Variants in OGDH observed in about 807,000 individuals in gnomAD.
The protein encoded by OGDH is 2-oxoglutarate dehydrogenase complex component E1.
OGDH carries 38 observed loss-of-function variants against 116.6 expected under a neutral mutation model. That is an observed-to-expected ratio of 0.33 (90% confidence interval 0.25 to 0.43). OGDH has a LOEUF of 0.43. Among genes scored for constraint, OGDH ranks in the 20% least tolerant of loss-of-function variants. OGDH has a pLI of 1.00. For synonymous variants in OGDH, 488 were observed against 533.3 expected (o/e 0.92, Z 1.17); for missense variants, 825 against 1,357.2 (o/e 0.61, Z 6.16).
In OGDH at chr7:44,624,388, G is replaced by A. The variant is rs772930976; in HGVS notation, c.45G>A (p.Thr15=). The A allele has an allele frequency of 4.4e-6, 7 of 1,606,486 alleles. No homozygotes were observed. The highest frequency in any genetic ancestry group is 4.5e-5 in the East Asian group (2 of 44,652). The change falls in exon 2 of 23, where the codon ACG becomes ACA. Residue 15 remains threonine, a synonymous_variant. Coordinates refer to ENST00000222673, the MANE Select transcript of OGDH (RefSeq NM_002541.4). Reference sequence around the variant, plus strand: ...GTGCTGCTAAGTTGAGGCCATTGACGGCTTCCCAGACTGTTAAGACATTTT... The same window carrying A: ...GTGCTGCTAAGTTGAGGCCATTGACAGCTTCCCAGACTGTTAAGACATTTT... ...RTCAAKLRPL[T]ASQTVKTFSQ...
chr7:44,633,686 C>T lies in OGDH; in HGVS notation c.222+9121C>T, dbSNP rs555657384. Among the ~76,000 whole-genome samples, 18 of 152,332 alleles carry T rather than the reference C, an allele frequency of 1.2e-4. 1 individual carries two copies. In the South Asian group the frequency reaches 3.7e-3, roughly 32 times the overall value. On this transcript the variant is annotated intron_variant, in intron 2 of 22. Coordinates refer to ENST00000222673, the MANE Select transcript of OGDH (RefSeq NM_002541.4). ...AGTGGTCAGTCACGTGGTATTCCCT[C>T]TGAAACCCTGGAGCAGATGCTTTGT...
intron 20 of OGDH, among the ~76,000 whole-genome samples, chr7:44,706,590 G>A (rs943516129): frequency 2.0e-5 from 3 of 150,996 alleles, no homozygotes; most frequent in African/African-American, 7.3e-5. Flanking sequence ...CAAAGTGCTG[G>A]GATTTACAGG....
intron 1 of OGDH, among the ~76,000 whole-genome samples, chr7:44,619,201 TGTAA>T (rs1784916276): frequency 6.6e-6 from 1 of 152,046 alleles, no homozygotes; most frequent in African/African-American, 2.4e-5. Context: ...AAACAGTAGA[TGTAA>T]GTAAGTGTTT....
At chr7:44,646,974 G>A (rs1342280691) in intron 3 of OGDH, among the ~76,000 whole-genome samples, 2 of 152,104 alleles carry the variant, frequency 1.3e-5, no homozygotes, top group Non-Finnish European at 1.5e-5. Context: ...TTAAATTGAG[G>A]TGGGATCTCA....
chr7:44,620,990 C>G (rs2117273325), intron 1 of OGDH, among the ~76,000 whole-genome samples: 1 of 152,332 alleles, frequency 6.6e-6, no homozygotes, highest in African/African-American at 2.4e-5. Flanking sequence ...GACTTAGTGT[C>G]AGTTACAGAA....
intron 1 of OGDH, among the ~76,000 whole-genome samples, chr7:44,611,429 C>A (rs974739451): frequency 6.6e-6 from 1 of 151,824 alleles, no homozygotes; most frequent in African/African-American, 2.4e-5. Flanking sequence ...CCACCATGCC[C>A]GGCTAATTTT....
chr7:44,669,538 A>G (rs1453431263), intron 5 of OGDH, among the ~76,000 whole-genome samples: 1 of 152,010 alleles, frequency 6.6e-6, no homozygotes, highest in Non-Finnish European at 1.5e-5. Context: ...GTCACCTCTC[A>G]GGGGCCTGTT....
intron 2 of OGDH, among the ~76,000 whole-genome samples, chr7:44,627,050 G>A (rs1241341582): frequency 6.6e-6 from 1 of 152,194 alleles, no homozygotes; most frequent in Admixed American, 6.5e-5. Flanking sequence ...AGACTGGAGT[G>A]CAGTGGTGCA....
intron 2 of OGDH, among the ~76,000 whole-genome samples, chr7:44,631,762 T>G (rs992539768): frequency 1.1e-4 from 16 of 152,206 alleles, no homozygotes; most frequent in Non-Finnish European, 1.5e-5. Flanking sequence ...CCTAGCAGGA[T>G]GATTAAATAA....
chr7:44,668,933 C>A (rs1417081022), intron 5 of OGDH, among the ~76,000 whole-genome samples: 7 of 152,112 alleles, frequency 4.6e-5, no homozygotes, highest in African/African-American at 1.7e-4. Flanking sequence ...CTGTGAAGTT[C>A]TTGTGTTGCC....
chr7:44,663,439 C>T (rs1787036395), intron 4 of OGDH, among the ~76,000 whole-genome samples: 1 of 152,146 alleles, frequency 6.6e-6, no homozygotes, highest in Non-Finnish European at 1.5e-5. Flanking sequence ...TCGAGACCAG[C>T]CCGGCCAACG....
At position 44,694,031 on chromosome 7, in the gene OGDH, C is replaced by G. The variant is rs1265937816; in HGVS notation, c.1515+27C>G. 10 of 1,590,894 alleles carry G rather than the reference C, an allele frequency of 6.3e-6. No homozygotes were observed. Among genetic ancestry groups the G allele is most frequent in the Non-Finnish European group, 8.6e-6 (10 of 1,163,602 alleles). Reference sequence around the variant, plus strand: ...TGAGTGACTCTGGGGACAGCACGTCCTGGGCAGAGCATCTGACCCACCCCT... The same window carrying G: ...TGAGTGACTCTGGGGACAGCACGTCGTGGGCAGAGCATCTGACCCACCCCT... On this transcript the variant is annotated intron_variant, in intron 11 of 22. Coordinates refer to ENST00000222673, the MANE Select transcript of OGDH (RefSeq NM_002541.4). The surrounding 1 kb of genome is among the most constrained non-coding windows in gnomAD (Gnocchi z 4.2).
Position 44,707,371 on chromosome 7 carries a change from A to C in OGDH, c.2779A>C (p.Ile927Leu), listed in dbSNP as rs186750221. 1.2e-6 allele frequency: 2 copies of C among 1,614,244 alleles called. No individual in the cohort carries two copies. Among genetic ancestry groups the C allele is most frequent in the Non-Finnish European group, 1.7e-6 (2 of 1,180,032 alleles). The part of the protein sequence containing the change: ...KARDMVGQVA[I>L]TRIEQLSPFP... ...ACGCGACATGGTGGGGCAGGTGGCCATCACAAGGATTGAGCAGGTGAGGGC... is the reference window on the plus strand; with the variant it reads ...ACGCGACATGGTGGGGCAGGTGGCCCTCACAAGGATTGAGCAGGTGAGGGC... Residue 927 changes from isoleucine to leucine, a missense_variant, in exon 21 of 23, where the codon ATC becomes CTC. By Grantham distance (5) the Ile-to-Leu change is conservative. Coordinates refer to ENST00000222673, the MANE Select transcript of OGDH (RefSeq NM_002541.4). The surrounding 1 kb of genome is among the most constrained non-coding windows in gnomAD (Gnocchi z 5.2).
chr7:44,640,933 C>T (rs1338523330), intron 2 of OGDH, among the ~76,000 whole-genome samples: 6 of 149,712 alleles, frequency 4.0e-5, no homozygotes, highest in Non-Finnish European at 5.9e-5. Flanking sequence ...CTCGCTCTGT[C>T]GCCAAACTGG....
chr7:44,645,534 T>C lies in OGDH; in HGVS notation c.414+16T>C. 1.2e-6 allele frequency: 2 copies of C among 1,611,692 alleles called. No individual in the cohort carries two copies. Among genetic ancestry groups the C allele is most frequent in the Non-Finnish European group, 1.7e-6 (2 of 1,178,202 alleles). ...GGCATATCAGGTAAGGCGGGTGCTTTACCCGCACACGGGAAAGGGTGCAGT... is the reference window on the plus strand; with the variant it reads ...GGCATATCAGGTAAGGCGGGTGCTTCACCCGCACACGGGAAAGGGTGCAGT... On this transcript the variant is annotated intron_variant, in intron 3 of 22. Coordinates refer to ENST00000222673, the MANE Select transcript of OGDH (RefSeq NM_002541.4).
intron 4 of OGDH, among the ~76,000 whole-genome samples, chr7:44,660,460 T>G (rs900344025): frequency 5.9e-5 from 9 of 152,224 alleles, no homozygotes; most frequent in African/African-American, 1.2e-4. Context: ...TTATTATTGC[T>G]TTCTAGTTTG....
At chr7:44,666,601 G>A (rs1787194191) in intron 4 of OGDH, 135 bp from the exon 5 acceptor site, 4 of 420,042 alleles carry the variant, frequency 9.5e-6, no homozygotes, top group South Asian at 7.5e-5. Context: ...CATATATCAG[G>A]GGCTTTTTAT....
At chr7:44,653,082 G>A (rs1014912528) in intron 4 of OGDH, among the ~76,000 whole-genome samples, 4 of 151,822 alleles carry the variant, frequency 2.6e-5, no homozygotes, top group Non-Finnish European at 1.5e-5. Context: ...GCTGTTGTTT[G>A]GTTTTTTTTA....
chr7:44,616,617 G>GTA (rs60999721), intron 1 of OGDH, among the ~76,000 whole-genome samples: 27,710 of 145,902 alleles, frequency 0.19, 3,455 homozygotes, highest in East Asian at 0.58. Flanking sequence ...ATATATATAT[G>GTA]TATATATATA....
Sources: allele counts gnomAD v4.1 joint callset (sites outside exome capture counted in the v4.1 genomes callset), GRCh38; gene constraint gnomAD v4.1.1; non-coding constraint Gnocchi (gnomAD v3.1); transcripts MANE v1.5; gene names NCBI Gene and HGNC (gene_info 2026-07-23, HGNC 2026-07-21).